The following CACNA2D2 variants were observed in gnomAD, a reference collection of about 807,000 sequenced individuals.
The protein encoded by CACNA2D2 is calcium voltage-gated channel auxiliary subunit alpha2delta 2.
A neutral mutation model predicts 166.4 loss-of-function variants in CACNA2D2; 48 were observed. That is an observed-to-expected ratio of 0.29 (90% CI 0.23 to 0.37). The LOEUF (loss-of-function observed/expected upper bound fraction) is 0.37, where lower values mean the gene tolerates loss of function less well. Among genes scored for constraint, CACNA2D2 ranks in the 10% least tolerant of loss-of-function variants. The pLI, the probability that CACNA2D2 is intolerant of heterozygous loss-of-function variation, is 1.00. For missense variants in CACNA2D2, 1,122 were observed against 1,433.0 expected (o/e 0.78, Z 3.50); for synonymous variants, 561 against 573.7 (o/e 0.98, Z 0.32).
At chr3:50,454,032 C>A (rs550016709) in intron 2 of CACNA2D2, among the ~76,000 whole-genome samples, 1 of 152,254 alleles carries the variant, frequency 6.6e-6, no homozygotes, top group South Asian at 2.1e-4. Flanking sequence ...TCTGAATGGC[C>A]AATGAGGCCA....
intron 1 of CACNA2D2, among the ~76,000 whole-genome samples, chr3:50,484,663 C>A (rs1160801230): frequency 3.9e-5 from 6 of 152,050 alleles, no homozygotes; most frequent in East Asian, 1.9e-4. Flanking sequence ...GAAATTGCAC[C>A]CCCCCCAGCA....
chr3:50,461,051 G>A (rs1251484164), intron 2 of CACNA2D2, among the ~76,000 whole-genome samples: 1 of 152,112 alleles, frequency 6.6e-6, no homozygotes, highest in Non-Finnish European at 1.5e-5. Context: ...GGAGGAAACA[G>A]TCAAAGAAAC....
At chr3:50,384,119 G>A in intron 6 of CACNA2D2, 77 bp downstream of exon 6, 1 of 1,568,492 alleles carries the variant, frequency 6.4e-7, no homozygotes, top group Non-Finnish European at 8.7e-7. Flanking sequence ...TGTCCCCAGG[G>A]ACTCTGGAAT....
chr3:50,366,368 G>C lies in CACNA2D2; in HGVS notation c.2638-30C>G, dbSNP rs748932773. ...GAGGAAGGGAATGGGGAGGAAAATG[G>C]AGAGGGGCTGGGCCCCGGACCTTCC... On this transcript the variant is annotated intron_variant, in intron 30 of 37. Coordinates refer to ENST00000424201, the MANE Select transcript of CACNA2D2 (RefSeq NM_006030.4). This position sits in a 1 kb window ranked among gnomAD's most constrained non-coding sequence, Gnocchi z 5.9. 1.9e-6 allele frequency: 3 copies of C among 1,609,706 alleles called. No homozygotes were observed. In the Admixed American group the frequency reaches 5.0e-5, roughly 27 times the overall value.
intron 2 of CACNA2D2, among the ~76,000 whole-genome samples, chr3:50,448,292 G>A (rs1290291248): frequency 6.6e-6 from 1 of 152,188 alleles, no homozygotes; most frequent in Non-Finnish European, 1.5e-5. Flanking sequence ...CAACGTGACT[G>A]GAAGCTCTGG....
chr3:50,379,578 C>A lies in CACNA2D2; in HGVS notation c.1006G>T (p.Ala336Ser). The change falls in exon 11 of 38, where the codon GCA becomes TCA. Residue 336 changes from alanine to serine, a missense_variant. By Grantham distance (99) the Ala-to-Ser change is moderately conservative. This residue lies in a region of CACNA2D2 where 840 missense variants were observed against 1,166.8 expected (regional missense o/e 0.72). Coordinates refer to ENST00000424201, the MANE Select transcript of CACNA2D2 (RefSeq NM_006030.4). This position sits in a 1 kb window ranked among gnomAD's most constrained non-coding sequence, Gnocchi z 6.5. Reference sequence around the variant, plus strand: ...TGTGTGAAGCATGACACAGGCTGTGCCTTCTCGTTGAACTGCAGGAACAGT... The same window carrying A: ...TGTGTGAAGCATGACACAGGCTGTGACTTCTCGTTGAACTGCAGGAACAGT... ...YVNVASFNEKAQPVSCFTHLV... is the reference protein window; with the variant it reads ...YVNVASFNEKSQPVSCFTHLV... The A allele has an allele frequency of 1.9e-6, 3 of 1,613,898 alleles. No homozygotes were observed. Among genetic ancestry groups the A allele is most frequent in the Non-Finnish European group, 2.5e-6 (3 of 1,180,020 alleles).
chr3:50,428,860 C>T (rs1381195162), intron 3 of CACNA2D2, among the ~76,000 whole-genome samples: 1 of 152,216 alleles, frequency 6.6e-6, no homozygotes, highest in Non-Finnish European at 1.5e-5. Context: ...CACCACATGG[C>T]CACTAATGGT....
Position 50,366,147 on chromosome 3 carries a change from C to G in CACNA2D2, c.2726G>C (p.Ser909Thr). 6.2e-7 allele frequency: 1 copy of G among 1,613,976 alleles called. No individual in the cohort carries two copies. The highest frequency in any genetic ancestry group is 8.5e-7 in the Non-Finnish European group (1 of 1,179,966). The change falls in exon 32 of 38, where the codon AGT (serine) becomes ACT (threonine). Residue 909 changes from serine to threonine, a missense_variant. This residue lies in a region of CACNA2D2 where 840 missense variants were observed against 1,166.8 expected (regional missense o/e 0.72). Transcript: ENST00000424201. The surrounding 1 kb of genome is among the most constrained non-coding windows in gnomAD (Gnocchi z 5.9). ...CAGCATCAGGTTGGCATCCACCTCA[C>G]TGAAGAACCTGCCCACCTGAGGATG... ...HQWDQVGRFF[S>T]EVDANLMLAL...
chr3:50,397,832 G>A (rs964611687), intron 3 of CACNA2D2, among the ~76,000 whole-genome samples: 1 of 152,190 alleles, frequency 6.6e-6, no homozygotes. Flanking sequence ...GACAAGGTGG[G>A]CTTTACTCCC....
chr3:50,478,052 A>G (rs1697872523), intron 1 of CACNA2D2, among the ~76,000 whole-genome samples: 2 of 146,120 alleles, frequency 1.4e-5, no homozygotes, highest in Admixed American at 6.8e-5. Context: ...ACCATGATGG[A>G]AAAAAAAAAA....
chr3:50,435,730 G>C (rs1187711279), intron 2 of CACNA2D2, among the ~76,000 whole-genome samples: 1 of 152,136 alleles, frequency 6.6e-6, no homozygotes, highest in Non-Finnish European at 1.5e-5. Context: ...ACCACACAAA[G>C]CCAGCTCAGG....
Position 50,380,805 on chromosome 3 carries a change from G to T in CACNA2D2, c.785C>A (p.Ala262Asp). 1 of 1,544,734 alleles carries T rather than the reference G, an allele frequency of 6.5e-7. No homozygotes were observed. Residue 262 changes from alanine (A) to aspartate (D), a missense_variant and splice_region_variant, in exon 8 of 38, where the codon GCC becomes GAC. This residue lies in a region of CACNA2D2 where 840 missense variants were observed against 1,166.8 expected (regional missense o/e 0.72). Transcript: ENST00000424201. The surrounding 1 kb of genome is among the most constrained non-coding windows in gnomAD (Gnocchi z 4.9). ...CTTCTTGGGGGCTCGCCACGGGGTG[G>T]CTGAGGGAGGAGAGAAGGTGAGGGG... ...SATGVTRYYP[A>D]TPWRAPKKID...
At chr3:50,420,693 C>G (rs1053569716) in intron 3 of CACNA2D2, among the ~76,000 whole-genome samples, 1 of 152,182 alleles carries the variant, frequency 6.6e-6, no homozygotes, top group African/African-American at 2.4e-5. Flanking sequence ...GGTGGACGGA[C>G]AGATGATGGC....
At chr3:50,479,034 G>C (rs754870952) in intron 1 of CACNA2D2, among the ~76,000 whole-genome samples, 38 of 152,222 alleles carry the variant, frequency 2.5e-4, no homozygotes, top group Non-Finnish European at 5.3e-4. Context: ...GTTTTATTTT[G>C]CTCAGACAAC....
At chr3:50,374,305 CAGG>C (rs1704849444) in intron 22 of CACNA2D2, among the ~76,000 whole-genome samples, 1 of 61,612 alleles carries the variant, frequency 1.6e-5, no homozygotes, top group Non-Finnish European at 3.2e-5. Context: ...AGGAGAGGGA[CAGG>C]AGGAGGGGGA....
At chr3:50,487,723 C>T (rs41499647) in intron 1 of CACNA2D2, among the ~76,000 whole-genome samples, 25,011 of 152,124 alleles carry the variant, frequency 0.16, 2,433 homozygotes, top group South Asian at 0.37. Context: ...CCTGGTGAGC[C>T]TCATGATTGG....
intron 3 of CACNA2D2, among the ~76,000 whole-genome samples, chr3:50,404,402 T>C (rs1035074169): frequency 5.9e-5 from 9 of 152,142 alleles, no homozygotes; most frequent in Non-Finnish European, 1.2e-4. Context: ...AACATGGTTA[T>C]TAGCAGAAGT....
At chr3:50,441,373 T>C (rs1171122201) in intron 2 of CACNA2D2, among the ~76,000 whole-genome samples, 2 of 152,194 alleles carry the variant, frequency 1.3e-5, no homozygotes, top group Non-Finnish European at 2.9e-5. Flanking sequence ...ATGCAATTAG[T>C]GTAAAAAGTG....
intron 2 of CACNA2D2, among the ~76,000 whole-genome samples, chr3:50,439,972 G>A (rs931335484): frequency 6.6e-6 from 1 of 152,142 alleles, no homozygotes; most frequent in South Asian, 2.1e-4. Flanking sequence ...GAAAATAGAG[G>A]GTATTGACAT....
Sources: gnomAD v4.1 joint callset for allele counts (sites outside exome capture counted in the v4.1 genomes callset) on GRCh38, gnomAD v4.1.1 for gene constraint, gnomAD v4.1.1 regional missense constraint, Gnocchi (gnomAD v3.1) non-coding constraint, MANE v1.5 for transcripts, NCBI Gene and HGNC (gene_info 2026-07-23, HGNC 2026-07-21) for gene names.